The following SLC39A9 variants were observed in gnomAD, a reference collection of about 807,000 sequenced individuals.
SLC39A9 encodes the protein zinc transporter ZIP9.
Under a neutral mutation model 28.4 loss-of-function variants are expected in SLC39A9, and 14 were observed. The ratio of observed to expected loss-of-function variants is 0.49; its 90% CI spans 0.33 to 0.77. SLC39A9 has a LOEUF of 0.77. Ranked by LOEUF, SLC39A9 falls within the 30% of genes least tolerant of loss-of-function variation. The pLI is 0.02. For missense variants in SLC39A9, 283 were observed against 381.1 expected, an observed-to-expected ratio of 0.74 and a Z score of 2.14; for synonymous variants, 119 against 149.6, an observed-to-expected ratio of 0.80 and a Z score of 1.49.
At chr14:69,419,653 T>C (rs181119344) in intron 1 of SLC39A9, among the ~76,000 whole-genome samples, 198 of 152,328 alleles carry the variant, frequency 1.3e-3, no homozygotes, top group East Asian at 7.7e-4. Flanking sequence ...TTTGCAGTTC[T>C]CTAAGGACTT....
At chr14:69,408,416 T>TA (rs1272252668) in intron 1 of SLC39A9, among the ~76,000 whole-genome samples, 1 of 152,218 alleles carries the variant, frequency 6.6e-6, no homozygotes, top group Non-Finnish European at 1.5e-5. Flanking sequence ...TAATGGATCA[T>TA]AAAATCAAAT....
intron 2 of SLC39A9, among the ~76,000 whole-genome samples, chr14:69,425,268 AT>A (rs901413592): frequency 4.6e-5 from 7 of 152,338 alleles, no homozygotes; most frequent in Admixed American, 3.3e-4. Flanking sequence ...AAACAGGAAT[AT>A]TTTTGAGACC....
intron 1 of SLC39A9, 103 bp from the exon 2 acceptor site, chr14:69,423,991 G>C (rs1884045401): frequency 1.4e-6 from 1 of 707,578 alleles, no homozygotes; most frequent in South Asian, 1.7e-5. Context: ...GTAGATGTTG[G>C]TCTCACAAAT....
At chr14:69,403,214 C>A (rs1476906551) in intron 1 of SLC39A9, among the ~76,000 whole-genome samples, 2 of 152,222 alleles carry the variant, frequency 1.3e-5, no homozygotes, top group South Asian at 4.1e-4. Flanking sequence ...TATGTTTTTT[C>A]GATTGAATTG....
intron 3 of SLC39A9, among the ~76,000 whole-genome samples, chr14:69,452,255 A>G (rs1199858816): frequency 6.6e-6 from 1 of 152,228 alleles, no homozygotes; most frequent in Non-Finnish European, 1.5e-5. Context: ...CCTATCTAAT[A>G]TAGCAGTTTG....
At chr14:69,446,280 A>G (rs956442189) in intron 3 of SLC39A9, among the ~76,000 whole-genome samples, 19 of 111,152 alleles carry the variant, frequency 1.7e-4, no homozygotes, top group Admixed American at 1.1e-3. Context: ...TTATATATAC[A>G]TATATATATA....
chr14:69,433,992 C>G (rs1428951808), intron 2 of SLC39A9, among the ~76,000 whole-genome samples: 1 of 151,934 alleles, frequency 6.6e-6, no homozygotes, highest in Non-Finnish European at 1.5e-5. Context: ...ACCATGTTGG[C>G]CAGGCTGGTC....
chr14:69,403,377 C>A (rs1882741675), intron 1 of SLC39A9, among the ~76,000 whole-genome samples: 1 of 152,142 alleles, frequency 6.6e-6, no homozygotes, highest in African/African-American at 2.4e-5. Context: ...GATTGATTAT[C>A]TGAGGGTTGT....
intron 1 of SLC39A9, among the ~76,000 whole-genome samples, chr14:69,419,477 G>A (rs1007385839): frequency 6.6e-6 from 1 of 152,174 alleles, no homozygotes; most frequent in African/African-American, 2.4e-5. Flanking sequence ...TGTATATTCT[G>A]TTGATTTGGG....
At chr14:69,428,147 G>T (rs934377858) in intron 2 of SLC39A9, among the ~76,000 whole-genome samples, 4 of 152,090 alleles carry the variant, frequency 2.6e-5, no homozygotes, top group Non-Finnish European at 4.4e-5. Flanking sequence ...GCGTGCTGGC[G>T]CATGTCTGTA....
chr14:69,423,301 G>A (rs567195626), intron 1 of SLC39A9, among the ~76,000 whole-genome samples: 1 of 152,224 alleles, frequency 6.6e-6, no homozygotes, highest in Non-Finnish European at 1.5e-5. Flanking sequence ...GCTGAGTGGT[G>A]TGGTACTCTG....
chr14:69,437,788 A>G lies in SLC39A9; in HGVS notation c.206-4281A>G, dbSNP rs1325607948. On this transcript the variant is annotated intron_variant, in intron 2 of 6. Coordinates refer to ENST00000336643, the MANE Select transcript of SLC39A9 (RefSeq NM_018375.5). Reference sequence around the variant, plus strand: ...ATTTTTAATAGAGATGGGTTTCACCATCTTGGCCAGGCTGGTCTTGAACTC... The same window carrying G: ...ATTTTTAATAGAGATGGGTTTCACCGTCTTGGCCAGGCTGGTCTTGAACTC... Among the ~76,000 whole-genome samples, 20 of 151,826 alleles carry G rather than the reference A, an allele frequency of 1.3e-4. 1 individual carries two copies. The highest frequency in any genetic ancestry group is 1.3e-3 in the Admixed American group (20 of 15,242).
At chr14:69,427,937 T>G (rs1294505993) in intron 2 of SLC39A9, among the ~76,000 whole-genome samples, 1 of 151,946 alleles carries the variant, frequency 6.6e-6, no homozygotes, top group Non-Finnish European at 1.5e-5. Flanking sequence ...AACATCAAAT[T>G]TATGGGGAAG....
Position 69,422,586 on chromosome 14 carries a change from T to G in SLC39A9, c.97-1508T>G, listed in dbSNP as rs371953906. Among the ~76,000 whole-genome samples the G allele has an allele frequency of 3.5e-4, 53 of 152,160 alleles. 3 individuals carry two copies. Among genetic ancestry groups the G allele is most frequent in the East Asian group, 2.3e-3 (12 of 5,184 alleles). ...CACCGGGCCTGGCTCTCCTTGCCGG[T>G]TTTTTTGTTTTGTTTTGAGATGGAA... On this transcript the variant is annotated intron_variant, in intron 1 of 6. Transcript: ENST00000336643.
chr14:69,457,771 C>T (rs1022660464), intron 6 of SLC39A9, among the ~76,000 whole-genome samples: 2 of 152,150 alleles, frequency 1.3e-5, no homozygotes, highest in African/African-American at 2.4e-5. Context: ...CCTGTAGTCC[C>T]AGCTACTTGG....
intron 2 of SLC39A9, chr14:69,428,484 C>T (rs1296063533): frequency 6.6e-6 from 1 of 152,468 alleles, no homozygotes; most frequent in East Asian, 1.9e-4. Context: ...AATAGCCAAC[C>T]CCATAGCCCT....
At chr14:69,429,823 A>G (rs573114459) in intron 2 of SLC39A9, among the ~76,000 whole-genome samples, 3 of 152,342 alleles carry the variant, frequency 2.0e-5, no homozygotes, top group Admixed American at 1.3e-4. Flanking sequence ...ATTCTCATCA[A>G]TAATAGATGA....
rs1882460423 is a variant in SLC39A9 at position 69,398,916 on chromosome 14, T to C, written c.-454T>C. On this transcript the variant is annotated 5_prime_UTR_variant, in exon 1 of 7. Transcript: ENST00000336643. ...TGGGACTGGTGGGCTGGTTTCCTGC[T>C]CTGGGGGGCGGATCACCTTCGGGGC... The C allele has an allele frequency of 1.0e-5, 2 of 197,580 alleles. No individual in the cohort carries two copies. The highest frequency in any genetic ancestry group is 2.4e-5 in the African/African-American group (1 of 41,656). The allele number at this position is 197,580 out of a possible 1,614,324, so 12.2% of individuals were successfully genotyped here. A position where few individuals can be genotyped will look rare whatever the true frequency, so the allele number is the denominator to read the frequency against.
intron 1 of SLC39A9, among the ~76,000 whole-genome samples, chr14:69,414,039 T>TG (rs779662891): frequency 3.3e-5 from 5 of 151,304 alleles, no homozygotes; most frequent in South Asian, 2.1e-4. Context: ...CTCCTGTTTA[T>TG]ATTTCATATT....
Sources: allele counts gnomAD v4.1 joint callset (sites outside exome capture counted in the v4.1 genomes callset), GRCh38; gene constraint gnomAD v4.1.1; transcripts MANE v1.5; gene names NCBI Gene and HGNC (gene_info 2026-07-23, HGNC 2026-07-21).